The following KIAA0825 variants were observed in gnomAD, a reference collection of about 807,000 sequenced individuals.
The protein encoded by KIAA0825 is uncharacterized protein KIAA0825.
In KIAA0825, 119 loss-of-function variants were observed where a neutral mutation model predicts 147.6. The observed-to-expected ratio is 0.81, with a 90% confidence interval of 0.69 to 0.94. The LOEUF is 0.94. KIAA0825 is among the 40% of genes least tolerant of loss of function. The probability of loss-of-function intolerance (pLI) is 0.00; values close to 1 mark genes in which losing one functional copy is unlikely to be tolerated. For missense variants in KIAA0825, 1,381 were observed against 1,472.7 expected, an observed-to-expected ratio of 0.94 and a Z score of 1.02; for synonymous variants, 470 against 518.1, an observed-to-expected ratio of 0.91 and a Z score of 1.26.
intron 20 of KIAA0825, among the ~76,000 whole-genome samples, chr5:94,257,044 A>G (rs1776284058): frequency 6.6e-6 from 1 of 152,166 alleles, no homozygotes; most frequent in Non-Finnish European, 1.5e-5. Flanking sequence ...TCTAAAAAGA[A>G]AAAAAGGGAC....
At chr5:94,474,070 C>T (rs1458420653) in intron 7 of KIAA0825, among the ~76,000 whole-genome samples, 2 of 152,132 alleles carry the variant, frequency 1.3e-5, no homozygotes, top group African/African-American at 4.8e-5. Context: ...TAGATTTTTA[C>T]TTGCTTAGAA....
At chr5:94,319,755 T>C (rs1225127635) in intron 20 of KIAA0825, among the ~76,000 whole-genome samples, 1 of 152,002 alleles carries the variant, frequency 6.6e-6, no homozygotes, top group Non-Finnish European at 1.5e-5. Context: ...ATTTCCACTC[T>C]TTCTACCTTT....
chr5:94,320,231 G>A (rs148607984), intron 20 of KIAA0825, among the ~76,000 whole-genome samples: 1 of 151,842 alleles, frequency 6.6e-6, no homozygotes, highest in Non-Finnish European at 1.5e-5. Context: ...ATATTTATGG[G>A]GTACATGTGA....
intron 2 of KIAA0825, among the ~76,000 whole-genome samples, chr5:94,579,874 T>C (rs1268351227): frequency 6.6e-6 from 1 of 152,234 alleles, no homozygotes; most frequent in Non-Finnish European, 1.5e-5. Flanking sequence ...TGCTATAGTT[T>C]AAATAAATTC....
chr5:94,283,900 C>G (rs550737131), intron 20 of KIAA0825, among the ~76,000 whole-genome samples: 1 of 152,190 alleles, frequency 6.6e-6, no homozygotes, highest in Admixed American at 6.6e-5. Flanking sequence ...TACTGATTTT[C>G]TAAGTGTTGA....
chr5:94,490,693 T>A (rs72771685), intron 5 of KIAA0825, among the ~76,000 whole-genome samples: 1 of 151,858 alleles, frequency 6.6e-6, no homozygotes, highest in African/African-American at 2.4e-5. Context: ...TAAATATATA[T>A]ATAGGTATTA....
chr5:94,537,945 A>G (rs1772425309), intron 2 of KIAA0825, among the ~76,000 whole-genome samples: 2 of 152,198 alleles, frequency 1.3e-5, no homozygotes, highest in African/African-American at 2.4e-5. Context: ...CAACCTCAGC[A>G]TGGATACCTA....
At chr5:94,556,353 A>G (rs1776545617) in intron 2 of KIAA0825, among the ~76,000 whole-genome samples, 1 of 152,124 alleles carries the variant, frequency 6.6e-6, no homozygotes, top group African/African-American at 2.4e-5. Context: ...AGGCATGAGC[A>G]TGAGCATGAG....
intron 20 of KIAA0825, among the ~76,000 whole-genome samples, chr5:94,300,823 CAGGT>C (rs766339900): frequency 6.6e-6 from 1 of 152,216 alleles, no homozygotes; most frequent in East Asian, 1.9e-4. Flanking sequence ...AAACAATTGA[CAGGT>C]AGCCCATTTT....
At chr5:94,384,289 G>T (rs1261696784) in intron 20 of KIAA0825, 79 bp downstream of exon 20, 6 of 972,058 alleles carry the variant, frequency 6.2e-6, no homozygotes, top group Non-Finnish European at 9.4e-6. Context: ...AGTAAAATCT[G>T]TGTACGTGTA....
At chr5:94,201,510 T>A (rs966370144) in intron 20 of KIAA0825, among the ~76,000 whole-genome samples, 4 of 152,020 alleles carry the variant, frequency 2.6e-5, no homozygotes, top group Non-Finnish European at 5.9e-5. Flanking sequence ...TGTGCTCAAG[T>A]GGTCATCCTG....
intron 20 of KIAA0825, among the ~76,000 whole-genome samples, chr5:94,261,300 G>A (rs556439565): frequency 6.6e-6 from 1 of 151,954 alleles, no homozygotes; most frequent in Admixed American, 6.6e-5. Context: ...GTGAGAGTCT[G>A]TTTCAAAAAA....
At chr5:94,330,428 T>C (rs934202303) in intron 20 of KIAA0825, among the ~76,000 whole-genome samples, 1 of 152,036 alleles carries the variant, frequency 6.6e-6, no homozygotes, top group Non-Finnish European at 1.5e-5. Context: ...ATCTGGAAAA[T>C]TGTCACAATG....
At position 94,460,183 on chromosome 5, in the gene KIAA0825, C is replaced by A. The variant is rs149626373; in HGVS notation, c.2246+2204G>T. On this transcript the variant is annotated intron_variant, in intron 12 of 20. Coordinates refer to ENST00000682413, the MANE Select transcript of KIAA0825 (RefSeq NM_001145678.3). Reference sequence around the variant, plus strand: ...GTATGTGAATATGCTTCTGAACCTGCAGTTTAACTGCCTTTATGAAAGAAA... The same window carrying A: ...GTATGTGAATATGCTTCTGAACCTGAAGTTTAACTGCCTTTATGAAAGAAA... Among the ~76,000 whole-genome samples the A allele has an allele frequency of 4.0e-3, 607 of 152,230 alleles. 10 individuals are homozygous for A. The Middle Eastern group carries it at 0.065, about 16-fold the overall frequency.
intron 15 of KIAA0825, chr5:94,414,212 A>T (rs540018209): frequency 5.3e-5 from 8 of 152,320 alleles, no homozygotes; most frequent in Non-Finnish European, 8.8e-5. Context: ...GCCCAATGCC[A>T]TTATCGAGGA....
chr5:94,314,286 C>A (rs1433271029), intron 20 of KIAA0825, among the ~76,000 whole-genome samples: 1 of 151,538 alleles, frequency 6.6e-6, no homozygotes, highest in Non-Finnish European at 1.5e-5. Flanking sequence ...GACTACCAAG[C>A]CCCACATACA....
intron 20 of KIAA0825, among the ~76,000 whole-genome samples, chr5:94,180,966 C>T (rs1769559276): frequency 6.6e-6 from 1 of 152,132 alleles, no homozygotes; most frequent in Non-Finnish European, 1.5e-5. Context: ...CCACTTCCAC[C>T]ACTTGTGGTT....
At chr5:94,438,982 A>G (rs993691977) in intron 14 of KIAA0825, among the ~76,000 whole-genome samples, 5 of 152,202 alleles carry the variant, frequency 3.3e-5, no homozygotes, top group African/African-American at 1.2e-4. Context: ...GCTCCGAAAC[A>G]TCAGCTGGGC....
At chr5:94,177,908 C>T (rs192627385) in intron 20 of KIAA0825, among the ~76,000 whole-genome samples, 54 of 151,986 alleles carry the variant, frequency 3.6e-4, no homozygotes, top group South Asian at 8.3e-4. Context: ...TCTTATGGAA[C>T]GTATACCAGT....
Sources: gnomAD v4.1 joint callset for allele counts (sites outside exome capture counted in the v4.1 genomes callset) on GRCh38, gnomAD v4.1.1 for gene constraint, MANE v1.5 for transcripts, NCBI Gene and HGNC (gene_info 2026-07-23, HGNC 2026-07-21) for gene names.